Variants in CFAP97 observed in about 807,000 individuals in gnomAD.
CFAP97 encodes cilia and flagella associated protein 97.
A neutral mutation model predicts 43.1 loss-of-function variants in CFAP97; 36 were observed. The observed-to-expected ratio is 0.84, with a 90% confidence interval of 0.64 to 1.10. The LOEUF (loss-of-function observed/expected upper bound fraction) is 1.10, where lower values mean the gene tolerates loss of function less well. Ranked by LOEUF, CFAP97 falls within the 50% of genes least tolerant of loss-of-function variation. CFAP97 has a pLI of 0.00. For missense variants in CFAP97, 657 were observed against 620.3 expected, an observed-to-expected ratio of 1.06 and a Z score of -0.63; for synonymous variants, 228 against 225.7, an observed-to-expected ratio of 1.01 and a Z score of -0.09.
chr4:185,168,228 G>A (rs1015003230), intron 3 of CFAP97, among the ~76,000 whole-genome samples: 96 of 151,198 alleles, frequency 6.3e-4, no homozygotes, highest in African/African-American at 2.3e-3. Context: ...GGTAATGTAC[G>A]GTTTACAAAA....
intron 3 of CFAP97, among the ~76,000 whole-genome samples, chr4:185,166,320 A>T (rs1247512630): frequency 6.6e-6 from 1 of 152,192 alleles, no homozygotes; most frequent in Non-Finnish European, 1.5e-5. Context: ...CTGTGCAGGA[A>T]CTTCCTGGGG....
intron 1 of CFAP97, among the ~76,000 whole-genome samples, chr4:185,202,927 G>GAATA (rs151203479): frequency 0.13 from 19,265 of 152,168 alleles, 1,276 homozygotes; most frequent in African/African-American, 0.14. Context: ...ATTTACCAGA[G>GAATA]AATAAGAAAA....
At chr4:185,191,296 AACTG>A in intron 1 of CFAP97, 84 bp from the exon 2 acceptor site, 1 of 983,630 alleles carries the variant, frequency 1.0e-6, no homozygotes, top group Non-Finnish European at 1.4e-6. Flanking sequence ...AATTTTCCCA[AACTG>A]ACAAGTGTGT....
intron 4 of CFAP97, 131 bp from the exon 5 acceptor site, chr4:185,163,056 T>C (rs544846673): frequency 4.2e-6 from 3 of 709,056 alleles, no homozygotes; most frequent in Admixed American, 3.9e-5. Flanking sequence ...CACTTCAGAA[T>C]TCCCTGTGGA....
At position 185,192,758 on chromosome 4, in the gene CFAP97, T is replaced by TGTTTTTTC. The variant is rs1553973852; in HGVS notation, c.-16-1547_-16-1546insGAAAAAAC. On this transcript the variant is annotated intron_variant, in intron 1 of 4. Coordinates refer to ENST00000458385, the MANE Select transcript of CFAP97 (RefSeq NM_020827.3). The stretch of plus-strand genomic sequence containing the variant: ...CTTTTTTTTTTTTTTTTTTTTTTTT[T>TGTTTTTTC]GAGACGGAGTCTCGCTCTGTCACCC... 8.0e-4 allele frequency among the ~76,000 whole-genome samples: 103 copies of TGTTTTTTC among 128,224 alleles called. 5 individuals carry two copies. The highest frequency in any genetic ancestry group is 9.2e-4 in the Non-Finnish European group (57 of 61,870). 84.1% of individuals were successfully genotyped at this position (128,224 alleles called of 152,430 possible).
chr4:185,183,540 A>T (rs1175900487), intron 2 of CFAP97, among the ~76,000 whole-genome samples: 1 of 152,250 alleles, frequency 6.6e-6, no homozygotes, highest in Non-Finnish European at 1.5e-5. Flanking sequence ...TCCACCTACC[A>T]TGACCACAGT....
At chr4:185,172,188 T>A (rs1735331938) in intron 3 of CFAP97, among the ~76,000 whole-genome samples, 2 of 152,224 alleles carry the variant, frequency 1.3e-5, no homozygotes, top group Admixed American at 1.3e-4. Flanking sequence ...TGGATAAAAT[T>A]TTCATTTCTC....
chr4:185,208,451 C>T (rs986808664), upstream of CFAP97, among the ~76,000 whole-genome samples: 5 of 151,986 alleles, frequency 3.3e-5, no homozygotes, highest in Non-Finnish European at 5.9e-5. Context: ...GAAATGAGGC[C>T]GGGCGCGGTG....
At chr4:185,186,663 C>G (rs1450264603) in intron 2 of CFAP97, among the ~76,000 whole-genome samples, 3 of 152,128 alleles carry the variant, frequency 2.0e-5, no homozygotes, top group Non-Finnish European at 4.4e-5. Flanking sequence ...GCAAAAATCA[C>G]TAATTTTTTT....
At chr4:185,169,722 G>C (rs1209684202) in intron 3 of CFAP97, 5 of 985,294 alleles carry the variant, frequency 5.1e-6, no homozygotes, top group Non-Finnish European at 6.0e-6. Flanking sequence ...AGTGTTTCTA[G>C]AGCGATGAAG....
chr4:185,200,571 T>C (rs1343382975), intron 1 of CFAP97, among the ~76,000 whole-genome samples: 3 of 150,398 alleles, frequency 2.0e-5, no homozygotes, highest in African/African-American at 4.9e-5. Flanking sequence ...ACCTGGGAGG[T>C]AGAGGTTGCA....
chr4:185,168,114 C>T (rs1735141834), intron 3 of CFAP97, among the ~76,000 whole-genome samples: 1 of 151,116 alleles, frequency 6.6e-6, no homozygotes. Flanking sequence ...TTTTAAAGTA[C>T]ATGACAGTTA....
rs375004548 is a variant in CFAP97 at position 185,190,744 on chromosome 4, G to A, written c.453C>T (p.Ser151=). 4.8e-4 allele frequency: 766 copies of A among 1,587,930 alleles called. 1 individual carries two copies. Among genetic ancestry groups the A allele is most frequent in the Admixed American group, 6.2e-4 (34 of 54,760 alleles). ...DGKKYHVKSK[S]AKPSTNVKKS... Reference sequence around the variant, plus strand: ...TTTTAACGTTAGTAGATGGTTTAGCGGACTTGGACTTCACATGGTATTTCT... The same window carrying A: ...TTTTAACGTTAGTAGATGGTTTAGCAGACTTGGACTTCACATGGTATTTCT... The change falls in exon 2 of 5, where the codon TCC becomes TCT. Residue 151 remains serine, a synonymous_variant. Transcript: ENST00000458385.
chr4:185,191,650 T>TGAA (rs749417248), intron 1 of CFAP97, among the ~76,000 whole-genome samples: 4 of 152,158 alleles, frequency 2.6e-5, no homozygotes, highest in Non-Finnish European at 5.9e-5. Flanking sequence ...GCCAACATGG[T>TGAA]GAAACCCCGT....
upstream of CFAP97, among the ~76,000 whole-genome samples, chr4:185,204,856 CAGGA>C (rs1285690118): frequency 6.6e-6 from 1 of 152,232 alleles, no homozygotes; most frequent in African/African-American, 2.4e-5. Flanking sequence ...CCTGAAACCT[CAGGA>C]AGGAACTAGA....
intron 2 of CFAP97, among the ~76,000 whole-genome samples, chr4:185,178,127 C>T (rs1267191138): frequency 6.6e-6 from 1 of 151,620 alleles, no homozygotes; most frequent in African/African-American, 2.4e-5. Flanking sequence ...GTGAAATTAT[C>T]TTGCCTCCAA....
chr4:185,206,704 T>G (rs1186070078), upstream of CFAP97, among the ~76,000 whole-genome samples: 1 of 147,940 alleles, frequency 6.8e-6, no homozygotes, highest in Non-Finnish European at 1.5e-5. Context: ...GTACTAATCT[T>G]GGTTCAGAAA....
rs768773838 is a variant in CFAP97, at chr4:185,195,750, A to AT, written c.-16-4539dup. Among the ~76,000 whole-genome samples, 23 of 152,196 alleles carry AT rather than the reference A, an allele frequency of 1.5e-4. 1 individual carries two copies. The highest frequency in any genetic ancestry group is 1.2e-3 in the Admixed American group (19 of 15,276). ...AAAGACTATGGCTGATCATAATCTA[A>AT]TTTTGCCCACTTGAATGTAAAAGGA... On this transcript the variant is annotated intron_variant, in intron 1 of 4. Transcript: ENST00000458385.
At chr4:185,172,593 C>A (rs570715175) in intron 3 of CFAP97, among the ~76,000 whole-genome samples, 1 of 152,162 alleles carries the variant, frequency 6.6e-6, no homozygotes, top group South Asian at 2.1e-4. Flanking sequence ...TATAAATCAT[C>A]AAAAATATAA....
Sources: allele counts gnomAD v4.1 joint callset (sites outside exome capture counted in the v4.1 genomes callset), GRCh38; gene constraint gnomAD v4.1.1; transcripts MANE v1.5; gene names NCBI Gene and HGNC (gene_info 2026-07-23, HGNC 2026-07-21).